The following IKZF1 variants were observed in gnomAD, a reference collection of about 807,000 sequenced individuals.
The protein encoded by IKZF1 is IKAROS family zinc finger 1.
Under a neutral mutation model 51.7 loss-of-function variants are expected in IKZF1, and 10 were observed. The observed-to-expected ratio is 0.19, with a 90% CI of 0.12 to 0.33. IKZF1 has a LOEUF of 0.33. Among genes scored for constraint, IKZF1 ranks in the 10% least tolerant of loss-of-function variants. IKZF1 has a pLI of 1.00. For synonymous variants in IKZF1, 280 were observed against 282.3 expected, an observed-to-expected ratio of 0.99 and a Z score of 0.08; for missense variants, 484 against 707.5, an observed-to-expected ratio of 0.68 and a Z score of 3.58.
In IKZF1 at chr7:50,387,140, C is replaced by T. The variant is rs1029222920; in HGVS notation, c.590-205C>T. The stretch of plus-strand genomic sequence containing the variant: ...AGACAAACTAAGACAAAACAAGAGT[C>T]GCATGAGTTCTTGGTACAATTAAAG... On this transcript the variant is annotated intron_variant, in intron 5 of 7. Coordinates refer to ENST00000331340, the MANE Select transcript of IKZF1 (RefSeq NM_006060.6). Among the ~76,000 whole-genome samples the T allele has an allele frequency of 9.2e-5, 14 of 152,162 alleles. No homozygotes were observed. In the East Asian group the frequency reaches 1.7e-3, roughly 19 times the overall value.
chr7:50,315,580 T>C (rs1791347319), intron 1 of IKZF1, among the ~76,000 whole-genome samples: 1 of 152,236 alleles, frequency 6.6e-6, no homozygotes, highest in Non-Finnish European at 1.5e-5. Flanking sequence ...TTTGCTGATA[T>C]TGTTGTATTT....
intron 2 of IKZF1, among the ~76,000 whole-genome samples, chr7:50,319,330 A>G (rs548231762): frequency 6.6e-6 from 1 of 151,336 alleles, no homozygotes; most frequent in Non-Finnish European, 1.5e-5. Flanking sequence ...AAACTTCAGG[A>G]AAAAAAAACG....
chr7:50,343,966 G>A (rs1799727948), intron 3 of IKZF1, among the ~76,000 whole-genome samples: 1 of 152,156 alleles, frequency 6.6e-6, no homozygotes, highest in Non-Finnish European at 1.5e-5. Flanking sequence ...TCACAAATAA[G>A]GCTTAATTGT....
chr7:50,307,810 C>T (rs1388983978), intron 1 of IKZF1, among the ~76,000 whole-genome samples: 1 of 152,172 alleles, frequency 6.6e-6, no homozygotes, highest in East Asian at 1.9e-4. Flanking sequence ...GTCACACACA[C>T]ACACACTTAA....
intron 3 of IKZF1, among the ~76,000 whole-genome samples, chr7:50,345,711 G>C (rs541438980): frequency 4.9e-4 from 75 of 152,322 alleles, no homozygotes; most frequent in African/African-American, 1.7e-3. Context: ...GTAAAAGATA[G>C]AAATGAAATA....
chr7:50,334,474 TTG>T (rs1236356911), intron 3 of IKZF1, among the ~76,000 whole-genome samples: 10 of 151,900 alleles, frequency 6.6e-5, no homozygotes, highest in South Asian at 2.1e-4. Context: ...TAGTTGTATG[TTG>T]TGTGTGTCAT....
chr7:50,380,775 G>A (rs1017143088), intron 4 of IKZF1, among the ~76,000 whole-genome samples: 4 of 152,132 alleles, frequency 2.6e-5, no homozygotes, highest in African/African-American at 9.7e-5. Flanking sequence ...GTGCACAGAA[G>A]GCCCAGAACT....
intron 3 of IKZF1, among the ~76,000 whole-genome samples, chr7:50,345,061 C>A (rs948891880): frequency 2.6e-5 from 4 of 151,826 alleles, no homozygotes; most frequent in Admixed American, 2.6e-4. Context: ...ATATTTTAAG[C>A]TTTGCTATAT....
At chr7:50,335,012 T>A (rs1243718680) in intron 3 of IKZF1, among the ~76,000 whole-genome samples, 1 of 151,090 alleles carries the variant, frequency 6.6e-6, no homozygotes, top group Non-Finnish European at 1.5e-5. Context: ...GTGTGGTGTA[T>A]ATGTGTGTAT....
intron 6 of IKZF1, chr7:50,388,682 A>G (rs1030229827): frequency 3.3e-5 from 5 of 152,240 alleles, no homozygotes; most frequent in African/African-American, 1.2e-4. Flanking sequence ...AAGAAACTGG[A>G]TGTTAAAATA....
At position 50,400,830 on chromosome 7, in the gene IKZF1, G is replaced by C. The variant is rs1020318126; in HGVS notation, c.*203G>C. 1.5e-6 allele frequency: 1 copy of C among 669,354 alleles called. No individual in the cohort carries two copies. Among genetic ancestry groups the C allele is most frequent in the Admixed American group, 3.1e-5 (1 of 32,562 alleles). The allele number at this position is 669,354 out of a possible 1,614,324, so 41.5% of individuals were successfully genotyped here. On this transcript the variant is annotated 3_prime_UTR_variant, in exon 8 of 8. Transcript: ENST00000331340. This position sits in a 1 kb window ranked among gnomAD's most constrained non-coding sequence, Gnocchi z 5.4. ...GAAAAGATTTTTATTTTTAGAGGCAGGGCTGCATTGGGAGCATCCAGAACT... is the reference window on the plus strand; with the variant it reads ...GAAAAGATTTTTATTTTTAGAGGCACGGCTGCATTGGGAGCATCCAGAACT...
chr7:50,347,783 G>A (rs1351887635), intron 3 of IKZF1, among the ~76,000 whole-genome samples: 1 of 152,230 alleles, frequency 6.6e-6, no homozygotes, highest in Non-Finnish European at 1.5e-5. Context: ...TCAAGGGCAG[G>A]AGGATTACCA....
chr7:50,367,009 A>C (rs1459571909), intron 3 of IKZF1, among the ~76,000 whole-genome samples: 1 of 152,200 alleles, frequency 6.6e-6, no homozygotes, highest in Non-Finnish European at 1.5e-5. Context: ...CTAGGAAATA[A>C]TTCAGCCAGT....
At chr7:50,343,075 C>A (rs1429657450) in intron 3 of IKZF1, among the ~76,000 whole-genome samples, 1 of 148,966 alleles carries the variant, frequency 6.7e-6, no homozygotes, top group Non-Finnish European at 1.5e-5. Context: ...CCTCCTTTCT[C>A]TTTCTCCTTT....
rs1810310438 is a variant in IKZF1 at position 50,376,440 on chromosome 7, A to G, written c.161-93A>G. 3.2e-6 allele frequency: 5 copies of G among 1,551,274 alleles called. No individual in the cohort carries two copies. The highest frequency in any genetic ancestry group is 1.9e-5 in the Admixed American group (1 of 52,900). ...AAGAACTTCTGTTTAGTAGCTCTCCACACCTATTTGATTGTCTTTTTGCTG... is the reference window on the plus strand; with the variant it reads ...AAGAACTTCTGTTTAGTAGCTCTCCGCACCTATTTGATTGTCTTTTTGCTG... On this transcript the variant is annotated intron_variant, in intron 3 of 7. Coordinates refer to ENST00000331340, the MANE Select transcript of IKZF1 (RefSeq NM_006060.6). The surrounding 1 kb of genome is among the most constrained non-coding windows in gnomAD (Gnocchi z 4.5).
chr7:50,336,519 C>T (rs1414817920), intron 3 of IKZF1, among the ~76,000 whole-genome samples: 5 of 152,150 alleles, frequency 3.3e-5, no homozygotes, highest in Admixed American at 3.3e-4. Context: ...CTGGGAATAG[C>T]CCTTCAGGGG....
rs1818099090 is a variant in IKZF1, at chr7:50,401,406, T to C, written c.*779T>C. On this transcript the variant is annotated 3_prime_UTR_variant, in exon 8 of 8. Coordinates refer to ENST00000331340, the MANE Select transcript of IKZF1 (RefSeq NM_006060.6). ...GCTGCCCCGTAGGAGGAGACTGTCT[T>C]CCCGTGGGCATATCTGGGGAGCCCT... 4.4e-6 allele frequency: 1 copy of C among 226,826 alleles called. No homozygotes were observed. The allele number at this position is 226,826 out of a possible 1,614,324, so 14.1% of individuals were successfully genotyped here.
chr7:50,397,782 C>T (rs563250344), intron 7 of IKZF1, among the ~76,000 whole-genome samples: 7 of 152,324 alleles, frequency 4.6e-5, no homozygotes, highest in African/African-American at 1.7e-4. Flanking sequence ...AGAAACACCA[C>T]TTCTTTGGTC....
chr7:50,361,727 T>C (rs979693641), intron 3 of IKZF1, among the ~76,000 whole-genome samples: 1 of 152,030 alleles, frequency 6.6e-6, no homozygotes, highest in Non-Finnish European at 1.5e-5. Context: ...AGTACAAATA[T>C]TAGCTGGGCA....
Sources: allele counts gnomAD v4.1 joint callset (sites outside exome capture counted in the v4.1 genomes callset), GRCh38; gene constraint gnomAD v4.1.1; non-coding constraint Gnocchi (gnomAD v3.1); transcripts MANE v1.5; gene names NCBI Gene and HGNC (gene_info 2026-07-23, HGNC 2026-07-21).